The following CALD1 variants were observed in gnomAD, a reference collection of about 807,000 sequenced individuals.
The protein encoded by CALD1 is caldesmon.
CALD1 carries 33 observed loss-of-function variants against 99.9 expected under a neutral mutation model. The observed-to-expected ratio is 0.33, with a 90% CI of 0.25 to 0.44. The LOEUF is 0.44. Among genes scored for constraint, CALD1 ranks in the 20% least tolerant of loss-of-function variants. The pLI, the probability that CALD1 is intolerant of heterozygous loss-of-function variation, is 1.00. For missense variants in CALD1, 861 were observed against 962.1 expected, an observed-to-expected ratio of 0.89 and a Z score of 1.39; for synonymous variants, 310 against 325.0, an observed-to-expected ratio of 0.95 and a Z score of 0.50.
At chr7:134,799,138 CAT>C (rs1269206450) in intron 1 of CALD1, among the ~76,000 whole-genome samples, 1 of 152,194 alleles carries the variant, frequency 6.6e-6, no homozygotes, top group Non-Finnish European at 1.5e-5. Context: ...TATGATCAAA[CAT>C]GTGCAACTGA....
chr7:134,859,612 T>A (rs1249265833), intron 2 of CALD1, among the ~76,000 whole-genome samples: 13 of 152,360 alleles, frequency 8.5e-5, no homozygotes, highest in Middle Eastern at 3.4e-3. Flanking sequence ...TCCACTGATT[T>A]GTAGTGGTTA....
At position 134,943,483 on chromosome 7, in the gene CALD1, C is replaced by T. The variant is rs1394594956; in HGVS notation, c.1532+2246C>T. ...CTTTGATATCTGCATTTTCTTGTAA[C>T]TCGTTTTCTCTAAAACATGACATAA... On this transcript the variant is annotated intron_variant, in intron 7 of 14. Transcript: ENST00000361675. 2.0e-5 allele frequency among the ~76,000 whole-genome samples: 3 copies of T among 152,278 alleles called. No homozygotes were observed. In the East Asian group the frequency reaches 5.8e-4, roughly 29 times the overall value.
At chr7:134,950,079 C>G (rs1339463353) in intron 8 of CALD1, among the ~76,000 whole-genome samples, 1 of 152,126 alleles carries the variant, frequency 6.6e-6, no homozygotes, top group Non-Finnish European at 1.5e-5. Context: ...TCACGAAAGC[C>G]CTAAAAAATG....
At chr7:134,725,661 G>A in the CALD1 span, among the ~76,000 whole-genome samples, 14 of 152,266 alleles carry the variant, frequency 9.2e-5, no homozygotes, top group East Asian at 1.9e-3. Flanking sequence ...CAAAGACATT[G>A]GATTTTAATC....
upstream of CALD1, among the ~76,000 whole-genome samples, chr7:134,741,415 T>C (rs1009068935): frequency 1.2e-4 from 19 of 152,020 alleles, no homozygotes; most frequent in African/African-American, 4.3e-4. Context: ...CCATGACACA[T>C]GGGGATTATG....
chr7:134,858,542 C>A (rs1282046307), intron 2 of CALD1, among the ~76,000 whole-genome samples: 3 of 152,084 alleles, frequency 2.0e-5, no homozygotes, highest in African/African-American at 7.2e-5. Flanking sequence ...CATTACTTCA[C>A]TCAGTACAAT....
chr7:134,795,694 T>C (rs1284206098), intron 1 of CALD1, among the ~76,000 whole-genome samples: 1 of 152,186 alleles, frequency 6.6e-6, no homozygotes, highest in Non-Finnish European at 1.5e-5. Context: ...GAGATTGATA[T>C]GGCTGGAAAT....
At chr7:134,811,985 CAGAG>C (rs765985301) in intron 1 of CALD1, among the ~76,000 whole-genome samples, 1 of 152,094 alleles carries the variant, frequency 6.6e-6, no homozygotes, top group African/African-American at 2.4e-5. Context: ...TTCTCCAAAA[CAGAG>C]AGATAGCACT....
intron 9 of CALD1, 33 bp from the exon 10 acceptor site, chr7:134,958,036 T>C (rs1329002710): frequency 6.7e-7 from 1 of 1,497,750 alleles, no homozygotes; most frequent in Admixed American, 1.7e-5. Context: ...GCTTGAAATA[T>C]TAATTGGGTT....
intron 2 of CALD1, among the ~76,000 whole-genome samples, chr7:134,847,765 T>C (rs3800728): frequency 0.29 from 44,770 of 152,136 alleles, 6,876 homozygotes; most frequent in African/African-American, 0.36. Context: ...AGAGAAAGAC[T>C]GTGCTGAGAA....
At chr7:134,806,514 C>G (rs929963550) in intron 1 of CALD1, among the ~76,000 whole-genome samples, 3 of 152,164 alleles carry the variant, frequency 2.0e-5, no homozygotes, top group Admixed American at 2.0e-4. Context: ...ATTCTGGAAC[C>G]TGGAGATGTT....
intron 3 of CALD1, among the ~76,000 whole-genome samples, chr7:134,908,354 G>T (rs1339620209): frequency 6.6e-6 from 1 of 152,054 alleles, no homozygotes; most frequent in Admixed American, 6.5e-5. Flanking sequence ...AATAATAAAA[G>T]AAACAAAAAG....
At chr7:134,820,160 T>A (rs1798717553) in intron 1 of CALD1, among the ~76,000 whole-genome samples, 1 of 152,182 alleles carries the variant, frequency 6.6e-6, no homozygotes, top group African/African-American at 2.4e-5. Context: ...TTCTAAGACA[T>A]ATTCTCAGTG....
At chr7:134,864,166 C>T (rs534257514) in intron 2 of CALD1, among the ~76,000 whole-genome samples, 6 of 152,088 alleles carry the variant, frequency 3.9e-5, no homozygotes, top group Admixed American at 2.6e-4. Context: ...CTGGCCAACA[C>T]GGTGAAACCC....
intron 1 of CALD1, among the ~76,000 whole-genome samples, chr7:134,805,214 A>G (rs1798090999): frequency 6.6e-6 from 1 of 152,066 alleles, no homozygotes; most frequent in African/African-American, 2.4e-5. Flanking sequence ...CCTTCTCCTC[A>G]TTTCCCATGT....
chr7:134,836,450 G>C (rs1799444213), intron 1 of CALD1, among the ~76,000 whole-genome samples: 1 of 152,168 alleles, frequency 6.6e-6, no homozygotes, highest in South Asian at 2.1e-4. Context: ...CGTTGATAAT[G>C]ATGACAGTGG....
At chr7:134,904,167 G>A (rs1803201168) in intron 3 of CALD1, among the ~76,000 whole-genome samples, 1 of 152,036 alleles carries the variant, frequency 6.6e-6, no homozygotes, top group Admixed American at 6.6e-5. Flanking sequence ...AGGTTGCAGT[G>A]AGCCAAGATC....
At chr7:134,953,233 C>T (rs1035394852) in intron 9 of CALD1, among the ~76,000 whole-genome samples, 3 of 152,096 alleles carry the variant, frequency 2.0e-5, no homozygotes, top group South Asian at 2.1e-4. Context: ...AATGCCAGCA[C>T]GTTGGGAGGC....
At chr7:134,813,588 C>A (rs1473776356) in intron 1 of CALD1, among the ~76,000 whole-genome samples, 1 of 152,086 alleles carries the variant, frequency 6.6e-6, no homozygotes, top group Non-Finnish European at 1.5e-5. Flanking sequence ...TGGTAGAAGC[C>A]TGTGATGCTC....
Sources: allele counts gnomAD v4.1 joint callset (sites outside exome capture counted in the v4.1 genomes callset), GRCh38; gene constraint gnomAD v4.1.1; transcripts MANE v1.5; gene names NCBI Gene and HGNC (gene_info 2026-07-23, HGNC 2026-07-21).